The following ROBO1 variants were observed in gnomAD, a reference collection of about 807,000 sequenced individuals.
ROBO1 encodes roundabout homolog 1.
ROBO1 carries 149 observed loss-of-function variants against 195.9 expected under a neutral mutation model. The ratio of observed to expected loss-of-function variants is 0.76; its 90% CI spans 0.67 to 0.87. ROBO1 has a LOEUF of 0.87. ROBO1 is among the 40% of genes least tolerant of loss of function. ROBO1 has a pLI of 0.00. For missense variants in ROBO1, 1,933 were observed against 2,068.3 expected, an observed-to-expected ratio of 0.93 and a Z score of 1.27; for synonymous variants, 816 against 733.2, an observed-to-expected ratio of 1.11 and a Z score of -1.82.
chr3:79,075,136 A>T (rs149689405), intron 3 of ROBO1, among the ~76,000 whole-genome samples: 2 of 151,904 alleles, frequency 1.3e-5, no homozygotes, highest in African/African-American at 4.8e-5. Context: ...TTTTTATAAG[A>T]TGTCTCATCA....
At chr3:78,985,630 C>T (rs2077089392) in intron 3 of ROBO1, among the ~76,000 whole-genome samples, 1 of 152,102 alleles carries the variant, frequency 6.6e-6, no homozygotes, top group Non-Finnish European at 1.5e-5. Flanking sequence ...ACATTACAGG[C>T]TATTTAGCGG....
intron 1 of ROBO1, among the ~76,000 whole-genome samples, chr3:79,597,949 T>C (rs541645589): frequency 4.6e-5 from 7 of 152,188 alleles, no homozygotes; most frequent in Admixed American, 2.0e-4. Context: ...AGCTACATTA[T>C]GAATCACGGC....
chr3:78,765,708 A>G (rs1166204836), intron 4 of ROBO1, among the ~76,000 whole-genome samples: 1 of 152,212 alleles, frequency 6.6e-6, no homozygotes, highest in Non-Finnish European at 1.5e-5. Context: ...AAAGGGATCC[A>G]GTCTCATTTT....
chr3:79,243,010 T>A (rs1232751110), intron 2 of ROBO1, among the ~76,000 whole-genome samples: 1 of 117,006 alleles, frequency 8.5e-6, no homozygotes, highest in Non-Finnish European at 1.6e-5. Context: ...CATGCCCTGG[T>A]GTGTGATGTT....
At chr3:78,942,709 T>C (rs959475820) in intron 3 of ROBO1, among the ~76,000 whole-genome samples, 5 of 152,164 alleles carry the variant, frequency 3.3e-5, no homozygotes, top group African/African-American at 1.2e-4. Context: ...TCAATTAGAA[T>C]ACAGCCAATG....
intron 2 of ROBO1, among the ~76,000 whole-genome samples, chr3:79,203,616 T>C (rs1047672763): frequency 5.3e-5 from 8 of 152,188 alleles, no homozygotes; most frequent in African/African-American, 1.4e-4. Flanking sequence ...ATTTTAGATA[T>C]GAGCAGGCTT....
chr3:79,211,237 A>C (rs987993473), intron 2 of ROBO1, among the ~76,000 whole-genome samples: 1 of 152,082 alleles, frequency 6.6e-6, no homozygotes, highest in Non-Finnish European at 1.5e-5. Flanking sequence ...TGAAATCCAT[A>C]TCATTAGGCT....
chr3:79,085,704 G>A lies in ROBO1; in HGVS notation c.172+39752C>T, dbSNP rs1401841548. Among the ~76,000 whole-genome samples, 3 of 152,022 alleles carry A rather than the reference G, an allele frequency of 2.0e-5. No individual in the cohort carries two copies. In the South Asian group the frequency reaches 6.2e-4, roughly 32 times the overall value. On this transcript the variant is annotated intron_variant, in intron 3 of 30. Transcript: ENST00000464233. ...AGAGAATGATGGCAATTCTACTTTT[G>A]TGTCTAGGAAGTAGCAAAATATGAT...
At chr3:79,238,256 C>A (rs2082450717) in intron 2 of ROBO1, among the ~76,000 whole-genome samples, 1 of 152,074 alleles carries the variant, frequency 6.6e-6, no homozygotes, top group Non-Finnish European at 1.5e-5. Context: ...TTAATCATTA[C>A]CTGATGAGAT....
At chr3:79,629,198 T>C (rs1247237975) in intron 1 of ROBO1, among the ~76,000 whole-genome samples, 7 of 152,122 alleles carry the variant, frequency 4.6e-5, no homozygotes, top group Admixed American at 4.6e-4. Context: ...GCAGAATATA[T>C]ATATTTCTTC....
chr3:78,979,448 T>C (rs2076947264), intron 3 of ROBO1, among the ~76,000 whole-genome samples: 1 of 152,194 alleles, frequency 6.6e-6, no homozygotes, highest in Non-Finnish European at 1.5e-5. Context: ...TGTTGAAATT[T>C]ACAGTCCCTT....
rs958687116 is a variant in ROBO1 at position 79,059,702 on chromosome 3, C to T, written c.172+65754G>A. On this transcript the variant is annotated intron_variant, in intron 3 of 30. Transcript: ENST00000464233. ...AGATTCCATGGACATTGATCACTTC[C>T]CCAATCAATACTCTTATAATTTCCT... 2.0e-5 allele frequency among the ~76,000 whole-genome samples: 3 copies of T among 152,004 alleles called. No individual in the cohort carries two copies. In the East Asian group the frequency reaches 5.8e-4, roughly 29 times the overall value.
intron 2 of ROBO1, among the ~76,000 whole-genome samples, chr3:79,257,384 A>C (rs2082854316): frequency 6.6e-6 from 1 of 152,078 alleles, no homozygotes. Flanking sequence ...ACTGAAGTTG[A>C]CTCTCTGGGG....
At chr3:78,899,808 A>T (rs2037475330) in intron 4 of ROBO1, among the ~76,000 whole-genome samples, 1 of 152,216 alleles carries the variant, frequency 6.6e-6, no homozygotes. Context: ...CCTAAAAAAA[A>T]CAACACATCC....
chr3:79,745,841 C>A (rs1560152034), intron 1 of ROBO1, among the ~76,000 whole-genome samples: 1 of 151,962 alleles, frequency 6.6e-6, no homozygotes, highest in Non-Finnish European at 1.5e-5. Flanking sequence ...TTAGTTTATT[C>A]TTTTTTTCTT....
chr3:78,818,933 ATTAG>A (rs994494341), intron 4 of ROBO1, among the ~76,000 whole-genome samples: 12 of 152,270 alleles, frequency 7.9e-5, no homozygotes, highest in South Asian at 2.1e-4. Flanking sequence ...CTACCTTATT[ATTAG>A]TTATTGTTAA....
intron 22 of ROBO1, among the ~76,000 whole-genome samples, chr3:78,638,927 T>C: frequency 6.6e-6 from 1 of 151,864 alleles, no homozygotes; most frequent in Non-Finnish European, 1.5e-5. Flanking sequence ...CATACATTCT[T>C]ATCAACATAA....
rs1275645128 is a variant in ROBO1, at chr3:78,694,520, A to C, written c.1046-5748T>G. The stretch of plus-strand genomic sequence containing the variant: ...CGTTCCCTTCAACAGGAGTGAAATA[A>C]TGTCTTTATTTTTCATTACAGAGAA... On this transcript the variant is annotated intron_variant, in intron 8 of 30. Coordinates refer to ENST00000464233, the MANE Select transcript of ROBO1 (RefSeq NM_002941.4). 2.0e-5 allele frequency among the ~76,000 whole-genome samples: 3 copies of C among 152,334 alleles called. No individual in the cohort carries two copies. In the East Asian group the frequency reaches 5.8e-4, roughly 29 times the overall value.
At chr3:79,732,286 T>G (rs540026248) in intron 1 of ROBO1, among the ~76,000 whole-genome samples, 11 of 152,082 alleles carry the variant, frequency 7.2e-5, no homozygotes, top group African/African-American at 2.2e-4. Flanking sequence ...ATTTAAAATT[T>G]GAGACTAGAT....
Sources: allele counts gnomAD v4.1 joint callset (sites outside exome capture counted in the v4.1 genomes callset), GRCh38; gene constraint gnomAD v4.1.1; transcripts MANE v1.5; gene names NCBI Gene and HGNC (gene_info 2026-07-23, HGNC 2026-07-21).